The following PTPRT variants were observed in gnomAD, a reference collection of about 807,000 sequenced individuals.
The protein encoded by PTPRT is protein tyrosine phosphatase receptor type T.
PTPRT carries 56 observed loss-of-function variants against 176.8 expected under a neutral mutation model. The ratio of observed to expected loss-of-function variants is 0.32; its 90% CI spans 0.26 to 0.40. The LOEUF (loss-of-function observed/expected upper bound fraction) is 0.40, where lower values mean the gene tolerates loss of function less well. PTPRT is among the 10% of genes least tolerant of loss of function. PTPRT has a pLI of 1.00. For missense variants in PTPRT, 1,540 were observed against 1,908.2 expected (o/e 0.81, Z 3.60); for synonymous variants, 783 against 739.0 (o/e 1.06, Z -0.96).
intron 14 of PTPRT, among the ~76,000 whole-genome samples, chr20:42,248,053 T>C (rs1224577763): frequency 6.6e-6 from 1 of 152,146 alleles, no homozygotes; most frequent in Non-Finnish European, 1.5e-5. Flanking sequence ...AAACACACAG[T>C]ATGAGCAAAC....
chr20:42,686,625 A>G (rs1035681918), intron 6 of PTPRT, among the ~76,000 whole-genome samples: 3 of 151,684 alleles, frequency 2.0e-5, no homozygotes, highest in African/African-American at 7.3e-5. Flanking sequence ...CTAGAACTAC[A>G]GGTGCTACAG....
In PTPRT at chr20:42,736,934, T is replaced by C. The variant is rs376311808; in HGVS notation, c.859+19528A>G. ...ACCTGGGAAGGTGCAGACCTCTGTA[T>C]GGGCATAAAAGGAGGCGTCTGAATT... On this transcript the variant is annotated intron_variant, in intron 6 of 30. Coordinates refer to ENST00000373187, the MANE Select transcript of PTPRT (RefSeq NM_007050.6). Among the ~76,000 whole-genome samples, 5 of 152,328 alleles carry C rather than the reference T, an allele frequency of 3.3e-5. No homozygotes were observed. In the East Asian group the frequency reaches 9.7e-4, roughly 29 times the overall value.
intron 8 of PTPRT, among the ~76,000 whole-genome samples, chr20:42,455,468 C>T (rs558980309): frequency 1.3e-5 from 2 of 152,288 alleles, no homozygotes; most frequent in East Asian, 3.9e-4. Context: ...ATCTCAGGGT[C>T]TGCTTCTGAA....
intron 7 of PTPRT, among the ~76,000 whole-genome samples, chr20:42,581,734 C>T (rs79655872): frequency 2.9e-3 from 443 of 152,164 alleles, no homozygotes; most frequent in Middle Eastern, 6.8e-3. Context: ...AATTGCATTG[C>T]CTTTAAGTAG....
chr20:42,578,175 G>A (rs2073298792), intron 7 of PTPRT, among the ~76,000 whole-genome samples: 1 of 152,114 alleles, frequency 6.6e-6, no homozygotes, highest in Admixed American at 6.6e-5. Context: ...AGTCAACCAG[G>A]AGAGTCTACG....
the PTPRT span, among the ~76,000 whole-genome samples, chr20:42,050,845 A>G: frequency 2.0e-5 from 3 of 152,144 alleles, no homozygotes; most frequent in African/African-American, 7.2e-5. Flanking sequence ...TGCCCCTGAG[A>G]GGGACCCACT....
rs924661424 is a variant in PTPRT, at chr20:42,810,466, C to T, written c.215-19000G>A. Among the ~76,000 whole-genome samples, 7 of 152,212 alleles carry T rather than the reference C, an allele frequency of 4.6e-5. No homozygotes were observed. The East Asian group carries it at 5.8e-4, about 13-fold the overall frequency. On this transcript the variant is annotated intron_variant, in intron 2 of 30. Coordinates refer to ENST00000373187, the MANE Select transcript of PTPRT (RefSeq NM_007050.6). ...TGAATCTGAATCAGCTCTCACCCCA[C>T]GGCTATGGGACTGGTCTGGTCAGGA...
At chr20:43,160,071 C>T (rs185004001) in intron 1 of PTPRT, among the ~76,000 whole-genome samples, 1 of 152,130 alleles carries the variant, frequency 6.6e-6, no homozygotes, top group Non-Finnish European at 1.5e-5. Context: ...CAGGCCTGCC[C>T]GGTGCAACCC....
rs114447913 is a variant in PTPRT, at chr20:42,378,409, C to G, written c.1561-26124G>C. Among the ~76,000 whole-genome samples the G allele has an allele frequency of 8.1e-3, 1,234 of 152,272 alleles. 20 individuals carry two copies. Among genetic ancestry groups the G allele is most frequent in the African/African-American group, 0.029 (1,184 of 41,540 alleles). On this transcript the variant is annotated intron_variant, in intron 9 of 30. Coordinates refer to ENST00000373187, the MANE Select transcript of PTPRT (RefSeq NM_007050.6). ...GTGGCACCAAAGATGCTTTCCAGTT[C>G]CTGTGTTTTCTCTCCTGATGCCCTA...
intron 1 of PTPRT, among the ~76,000 whole-genome samples, chr20:43,188,359 C>T (rs902293191): frequency 6.6e-6 from 1 of 152,182 alleles, no homozygotes; most frequent in Non-Finnish European, 1.5e-5. Context: ...CAGGCTGTCC[C>T]TTCACAGAAG....
chr20:43,131,849 C>T (rs1351723523), intron 1 of PTPRT, among the ~76,000 whole-genome samples: 1 of 152,032 alleles, frequency 6.6e-6, no homozygotes, highest in African/African-American at 2.4e-5. Context: ...CACAGGCTAT[C>T]AAAATAAACA....
intron 1 of PTPRT, among the ~76,000 whole-genome samples, chr20:43,171,565 A>G (rs1466824229): frequency 6.6e-6 from 1 of 152,226 alleles, no homozygotes; most frequent in Admixed American, 6.5e-5. Flanking sequence ...TCTCCAAACC[A>G]GAGAAGGGAT....
At chr20:42,140,970 C>T (rs186572290) in intron 18 of PTPRT, among the ~76,000 whole-genome samples, 1 of 152,280 alleles carries the variant, frequency 6.6e-6, no homozygotes, top group East Asian at 1.9e-4. Context: ...GGTCAAGTAA[C>T]TTTCCCAGGG....
At chr20:42,985,488 C>T (rs549738522) in intron 1 of PTPRT, among the ~76,000 whole-genome samples, 38 of 151,866 alleles carry the variant, frequency 2.5e-4, no homozygotes, top group African/African-American at 7.7e-4. Flanking sequence ...AGTGAGACTC[C>T]GTTGCTAAAT....
chr20:42,528,789 TTTTATG>T (rs2072324579), intron 7 of PTPRT, among the ~76,000 whole-genome samples: 1 of 152,244 alleles, frequency 6.6e-6, no homozygotes, highest in Non-Finnish European at 1.5e-5. Context: ...ATCAATTGCA[TTTTATG>T]CTTGCTTAAT....
chr20:42,543,671 C>T (rs1254208184), intron 7 of PTPRT, among the ~76,000 whole-genome samples: 4 of 151,706 alleles, frequency 2.6e-5, no homozygotes, highest in African/African-American at 9.7e-5. Context: ...ATTTATTTTG[C>T]CCATATCCAT....
At chr20:42,272,818 C>T (rs888297840) in intron 13 of PTPRT, among the ~76,000 whole-genome samples, 4 of 152,210 alleles carry the variant, frequency 2.6e-5, no homozygotes, top group African/African-American at 4.8e-5. Context: ...CACTGGCCTA[C>T]TAGCCATCAT....
intron 7 of PTPRT, among the ~76,000 whole-genome samples, chr20:42,593,450 C>T (rs1346014229): frequency 1.3e-5 from 2 of 152,186 alleles, no homozygotes; most frequent in Non-Finnish European, 2.9e-5. Context: ...GTGTTAGGTG[C>T]TGACCCAGGC....
At chr20:42,134,471 G>C (rs986443170) in intron 18 of PTPRT, among the ~76,000 whole-genome samples, 6 of 152,142 alleles carry the variant, frequency 3.9e-5, no homozygotes, top group African/African-American at 1.4e-4. Flanking sequence ...GCTGGCTGTG[G>C]CGAGGAGGGA....
Sources: allele counts gnomAD v4.1 joint callset (sites outside exome capture counted in the v4.1 genomes callset), GRCh38; gene constraint gnomAD v4.1.1; transcripts MANE v1.5; gene names NCBI Gene and HGNC (gene_info 2026-07-23, HGNC 2026-07-21).